Variants in CABIN1 observed in about 807,000 individuals in gnomAD.
CABIN1 encodes calcineurin binding protein 1.
CABIN1 carries 133 observed loss-of-function variants against 227.7 expected under a neutral mutation model. The observed-to-expected ratio is 0.58, with a 90% CI of 0.51 to 0.67. The LOEUF (loss-of-function observed/expected upper bound fraction) is 0.67, where lower values mean the gene tolerates loss of function less well. Ranked by LOEUF, CABIN1 falls within the 30% of genes least tolerant of loss-of-function variation. The pLI, the probability that CABIN1 is intolerant of heterozygous loss-of-function variation, is 0.00. For synonymous variants in CABIN1, 1,086 were observed against 1,155.1 expected (o/e 0.94, Z 1.21); for missense variants, 2,408 against 2,852.5 (o/e 0.84, Z 3.55).
chr22:24,152,452 C>T (rs1213154543), intron 29 of CABIN1, among the ~76,000 whole-genome samples: 1 of 152,112 alleles, frequency 6.6e-6, no homozygotes, highest in African/African-American at 2.4e-5. Context: ...CTGGCTGACT[C>T]GGAACTGTAA....
intron 29 of CABIN1, among the ~76,000 whole-genome samples, chr22:24,145,208 A>G (rs1025835389): frequency 4.6e-5 from 7 of 152,002 alleles, no homozygotes; most frequent in Non-Finnish European, 1.0e-4. Context: ...TCACAAAGAA[A>G]GGGGGACTGA....
intron 19 of CABIN1, 73 bp downstream of exon 19, chr22:24,076,357 G>A (rs921488734): frequency 3.2e-6 from 4 of 1,254,778 alleles, no homozygotes; most frequent in Non-Finnish European, 4.7e-6. Context: ...ATGGGAAGGG[G>A]ACAGATTCAT....
rs1235425759 is a variant in CABIN1, at chr22:24,177,749, A to T, written c.6451A>T (p.Thr2151Ser). Reference sequence around the variant, plus strand: ...CAAGTTCCCCCCTGAGATCACCGTCACGCCACCCACCCCAACCCTGCTCTC... The same window carrying T: ...CAAGTTCCCCCCTGAGATCACCGTCTCGCCACCCACCCCAACCCTGCTCTC... Reference protein sequence around the residue: ...ATKFPPEITVTPPTPTLLSPK... With the variant: ...ATKFPPEITVSPPTPTLLSPK... Residue 2151 changes from threonine to serine, a missense_variant, in exon 36 of 37, where the codon ACG (threonine) becomes TCG (serine). Physicochemically the swap from Thr to Ser is moderately conservative, Grantham distance 58. This residue lies in a region of CABIN1 where 714 missense variants were observed against 773.8 expected (regional missense o/e 0.92). Transcript: ENST00000263119. The surrounding 1 kb of genome is among the most constrained non-coding windows in gnomAD (Gnocchi z 4.4). 1 of 1,611,684 alleles carries T rather than the reference A, an allele frequency of 6.2e-7. No individual in the cohort carries two copies. The highest frequency in any genetic ancestry group is 8.5e-7 in the Non-Finnish European group (1 of 1,178,422).
intron 1 of CABIN1, among the ~76,000 whole-genome samples, chr22:24,025,462 A>G (rs2036015479): frequency 6.6e-6 from 1 of 152,168 alleles, no homozygotes; most frequent in Non-Finnish European, 1.5e-5. Flanking sequence ...CAGACCAACC[A>G]AAGTGCACAA....
At chr22:24,033,930 G>A (rs1347764160) in intron 1 of CABIN1, among the ~76,000 whole-genome samples, 2 of 152,238 alleles carry the variant, frequency 1.3e-5, no homozygotes, top group African/African-American at 4.8e-5. Context: ...TTCTCTCCAA[G>A]CCCACTAAAC....
chr22:24,144,299 C>A (rs1277336609), intron 29 of CABIN1, among the ~76,000 whole-genome samples: 1 of 152,160 alleles, frequency 6.6e-6, no homozygotes, highest in East Asian at 1.9e-4. Flanking sequence ...CAGACTGTGT[C>A]CTTGCTCCTC....
rs746069262 is a variant in CABIN1 at position 24,178,451 on chromosome 22, C to T, written c.*255C>T. The T allele has an allele frequency of 2.8e-5, 15 of 531,888 alleles. No homozygotes were observed. The highest frequency in any genetic ancestry group is 3.8e-5 in the Non-Finnish European group (11 of 293,070). The allele number at this position is 531,888 out of a possible 1,614,324, so 32.9% of individuals were successfully genotyped here. The stretch of plus-strand genomic sequence containing the variant: ...GATTGGTCGCCATCTGCACGCCAGG[C>T]GGCATCCTTTTCTATGAAGTGTTGA... On this transcript the variant is annotated 3_prime_UTR_variant, in exon 37 of 37. Transcript: ENST00000263119.
chr22:24,014,974 A>G (rs1047925466), intron 1 of CABIN1, among the ~76,000 whole-genome samples: 2 of 152,052 alleles, frequency 1.3e-5, no homozygotes, highest in African/African-American at 4.8e-5. Flanking sequence ...ACTTAATAGT[A>G]TGTTTTAGGC....
At chr22:24,036,347 C>T (rs1039229711) in intron 3 of CABIN1, among the ~76,000 whole-genome samples, 166 bp downstream of exon 3, 5 of 152,082 alleles carry the variant, frequency 3.3e-5, no homozygotes, top group Admixed American at 6.5e-5. Flanking sequence ...ACTTAGCAGA[C>T]GATCATATAG....
In CABIN1 at chr22:24,132,013, G is replaced by C. The variant is rs148452293; in HGVS notation, c.4633-2289G>C. On this transcript the variant is annotated intron_variant, in intron 28 of 36. Coordinates refer to ENST00000263119, the MANE Select transcript of CABIN1 (RefSeq NM_012295.4). Reference sequence around the variant, plus strand: ...TCACTTGGAGGTTTCAGTGAGCTGAGAGCACACCACTATACTCCACCCTGG... The same window carrying C: ...TCACTTGGAGGTTTCAGTGAGCTGACAGCACACCACTATACTCCACCCTGG... 1.2e-4 allele frequency among the ~76,000 whole-genome samples: 18 copies of C among 150,242 alleles called. No individual in the cohort carries two copies. In the East Asian group the frequency reaches 1.6e-3, roughly 13 times the overall value.
rs530796103 is a variant in CABIN1, at chr22:24,111,957, TC to T, written c.4118-1608del. Among the ~76,000 whole-genome samples, 4 of 152,354 alleles carry T rather than the reference TC, an allele frequency of 2.6e-5. No homozygotes were observed. The South Asian group carries it at 8.3e-4, about 32-fold the overall frequency. ...CATTTGACTCTTGCTTTTTTTTATC[TC>T]ACTGCTGAAATTTCCTGTCTCTTCA... On this transcript the variant is annotated intron_variant, in intron 26 of 36. Coordinates refer to ENST00000263119, the MANE Select transcript of CABIN1 (RefSeq NM_012295.4).
chr22:24,141,990 T>TG (rs1569274902), intron 29 of CABIN1, among the ~76,000 whole-genome samples: 1 of 152,224 alleles, frequency 6.6e-6, no homozygotes, highest in African/African-American at 2.4e-5. Flanking sequence ...CTGCCAGAGT[T>TG]GGGGGGAAGG....
Position 24,171,775 on chromosome 22 carries a change from T to G in CABIN1, c.5820T>G (p.Pro1940=). The change falls in exon 34 of 37, where the codon CCT becomes CCG. Residue 1940 remains proline, a synonymous_variant. Coordinates refer to ENST00000263119, the MANE Select transcript of CABIN1 (RefSeq NM_012295.4). ...HPKDSRENFF[P]VTVVPTAPDP... is the part of the protein sequence containing the mutation. The stretch of plus-strand genomic sequence containing the variant: ...AAGACAGCCGAGAGAACTTCTTTCC[T>G]GTGACAGTGGTGCCCACAGCCCCTG... 6.2e-7 allele frequency: 1 copy of G among 1,614,146 alleles called. No individual in the cohort carries two copies. Among genetic ancestry groups the G allele is most frequent in the Admixed American group, 1.7e-5 (1 of 60,030 alleles).
Position 24,056,352 on chromosome 22 carries a change from G to T in CABIN1, c.1254G>T (p.Leu418Phe). Residue 418 changes from leucine to phenylalanine, a missense_variant, in exon 10 of 37, where the codon TTG (leucine) becomes TTT (phenylalanine). Around this residue, in one of 3 missense-constraint regions of CABIN1, gnomAD observed 1,045 missense variants for 1,168.4 expected, o/e 0.89. Coordinates refer to ENST00000263119, the MANE Select transcript of CABIN1 (RefSeq NM_012295.4). ...TCCAGGAGCTTCTGATGAAGTTCTT[G>T]CCGTCCAGGTACTGTGTATTTTTTC... is the stretch of plus-strand genomic sequence containing the variant. ...VDFQELLMKFLPSRLRKLDPE... is the reference protein window; with the variant it reads ...VDFQELLMKFFPSRLRKLDPE... 1 of 1,613,866 alleles carries T rather than the reference G, an allele frequency of 6.2e-7. No individual in the cohort carries two copies. Among genetic ancestry groups the T allele is most frequent in the Non-Finnish European group, 8.5e-7 (1 of 1,179,808 alleles).
chr22:24,116,642 T>A (rs2043104134), intron 27 of CABIN1, among the ~76,000 whole-genome samples: 1 of 152,248 alleles, frequency 6.6e-6, no homozygotes, highest in Admixed American at 6.5e-5. Flanking sequence ...TTGAGGTCCT[T>A]GCTGGGGCAT....
At chr22:24,062,862 A>G in intron 13 of CABIN1, 97 bp from the exon 14 acceptor site, 1 of 1,149,938 alleles carries the variant, frequency 8.7e-7, no homozygotes, top group Non-Finnish European at 1.3e-6. Context: ...CCCTGGAGAT[A>G]GGGTGGGTGT....
At chr22:24,095,535 G>T (rs887983164) in intron 24 of CABIN1, among the ~76,000 whole-genome samples, 11 of 152,006 alleles carry the variant, frequency 7.2e-5, no homozygotes, top group Non-Finnish European at 1.3e-4. Context: ...GTTTCAGGGA[G>T]TCCAGAGTTC....
At chr22:24,051,354 C>T (rs188042683) in intron 8 of CABIN1, among the ~76,000 whole-genome samples, 10 of 152,148 alleles carry the variant, frequency 6.6e-5, no homozygotes, top group Admixed American at 4.6e-4. Context: ...GAGACAGTCC[C>T]GGGTCTGGGC....
intron 1 of CABIN1, among the ~76,000 whole-genome samples, chr22:24,012,820 G>A (rs1329913415): frequency 6.6e-6 from 1 of 152,128 alleles, no homozygotes; most frequent in African/African-American, 2.4e-5. Context: ...GAGTGCAGTG[G>A]CATGATCTCG....
Sources: gnomAD v4.1 joint callset for allele counts (sites outside exome capture counted in the v4.1 genomes callset) on GRCh38, gnomAD v4.1.1 for gene constraint, gnomAD v4.1.1 regional missense constraint, Gnocchi (gnomAD v3.1) non-coding constraint, MANE v1.5 for transcripts, NCBI Gene and HGNC (gene_info 2026-07-23, HGNC 2026-07-21) for gene names.